Variants in TBL1X observed in about 807,000 individuals in gnomAD.
TBL1X encodes transducin beta like 1 X-linked.
TBL1X carries 10 observed loss-of-function variants against 50.7 expected under a neutral mutation model. The observed-to-expected ratio is 0.20, with a 90% CI of 0.12 to 0.33. The LOEUF (loss-of-function observed/expected upper bound fraction) is 0.33. Ranked by LOEUF, TBL1X falls within the 10% of genes least tolerant of loss-of-function variation. The pLI, the probability that TBL1X is intolerant of heterozygous loss-of-function variation, is 1.00. For synonymous variants in TBL1X, 190 were observed against 214.7 expected, an observed-to-expected ratio of 0.88 and a Z score of 1.01; for missense variants, 340 against 504.4, an observed-to-expected ratio of 0.67 and a Z score of 3.12.
At chrX:9,618,680 AAATAAT>A (rs1311293421) in intron 2 of TBL1X, among the ~76,000 whole-genome samples, 6 of 112,250 alleles carry the variant, frequency 5.3e-5, no homozygotes, top group African/African-American at 1.9e-4. Context: ...CTGTCTCAAA[AAATAAT>A]AATAAATAAA....
intron 13 of TBL1X, among the ~76,000 whole-genome samples, chrX:9,706,075 G>A (rs1448760240): frequency 9.0e-6 from 1 of 111,130 alleles, no homozygotes; most frequent in Non-Finnish European, 1.9e-5. Flanking sequence ...AAGACAGCAA[G>A]CCACGAGGGA....
At chrX:9,628,048 CAATT>C (rs2082701658) in intron 2 of TBL1X, among the ~76,000 whole-genome samples, 2 of 112,700 alleles carry the variant, frequency 1.8e-5, no homozygotes, top group Admixed American at 9.4e-5. Context: ...TCTCATGACT[CAATT>C]AAAAGATGCT....
chrX:9,515,003 A>G (rs1387857903), intron 2 of TBL1X, among the ~76,000 whole-genome samples: 1 of 111,407 alleles, frequency 9.0e-6, no homozygotes, highest in Non-Finnish European at 1.9e-5. Flanking sequence ...AGATGTTATC[A>G]GGAGTTAAAA....
intron 2 of TBL1X, among the ~76,000 whole-genome samples, chrX:9,565,341 A>G (rs2082345903): frequency 1.8e-5 from 2 of 109,109 alleles, no homozygotes; most frequent in South Asian, 8.0e-4. Context: ...TTCCATTGTC[A>G]AAGTAATATA....
At chrX:9,701,175 G>A (rs902265901) in intron 12 of TBL1X, among the ~76,000 whole-genome samples, 2 of 111,523 alleles carry the variant, frequency 1.8e-5, no homozygotes, top group African/African-American at 6.5e-5. Context: ...ACGGCTACGC[G>A]AAATGTAACC....
intron 2 of TBL1X, among the ~76,000 whole-genome samples, chrX:9,590,326 C>T (rs1401818249): frequency 9.2e-6 from 1 of 109,106 alleles, no homozygotes; most frequent in African/African-American, 3.3e-5. Context: ...ATTTCTGCAG[C>T]TTATTGTAAG....
At chrX:9,506,448 T>A (rs1823665557) in intron 2 of TBL1X, among the ~76,000 whole-genome samples, 1 of 110,922 alleles carries the variant, frequency 9.0e-6, no homozygotes, top group Admixed American at 9.6e-5. Context: ...ATAACTAATA[T>A]CAGAGAAGAA....
chrX:9,541,045 G>C (rs947240676), intron 2 of TBL1X, among the ~76,000 whole-genome samples: 11 of 111,779 alleles, frequency 9.8e-5, no homozygotes, highest in Non-Finnish European at 1.9e-4. Context: ...TCACTCGCCA[G>C]GGAAAAGAAG....
chrX:9,548,881 T>C (rs1388296413), intron 2 of TBL1X, among the ~76,000 whole-genome samples: 1 of 113,185 alleles, frequency 8.8e-6, no homozygotes, highest in Non-Finnish European at 1.9e-5. Context: ...ATTTATGTTG[T>C]GTGCAACACA....
chrX:9,718,810 A>G lies in TBL1X; in HGVS notation c.*2564A>G, dbSNP rs1184233642. On this transcript the variant is annotated 3_prime_UTR_variant, in exon 18 of 18. Transcript: ENST00000645353. ...ACCATGTCGGAATTGTTAGGTAGAA[A>G]CCTGGGCTGGGAGGCCTCGGACCCC... The G allele has an allele frequency of 3.6e-5, 4 of 111,845 alleles. No individual in the cohort carries two copies. Among genetic ancestry groups the G allele is most frequent in the Non-Finnish European group, 7.5e-5 (4 of 53,072 alleles). The allele number at this position is 111,845 out of a possible 1,213,427, so 9.2% of individuals were successfully genotyped here.
intron 2 of TBL1X, among the ~76,000 whole-genome samples, chrX:9,599,958 C>T (rs901857618): frequency 7.2e-5 from 8 of 111,651 alleles, no homozygotes; most frequent in Non-Finnish European, 1.3e-4. Flanking sequence ...CCCAAAGCCT[C>T]GGAGAGGGCA....
At chrX:9,542,921 C>T (rs1264239370) in intron 2 of TBL1X, among the ~76,000 whole-genome samples, 1 of 112,141 alleles carries the variant, frequency 8.9e-6, no homozygotes, top group Admixed American at 9.4e-5. Flanking sequence ...ATTGGCCTCG[C>T]AGTGGGGAGT....
In TBL1X at chrX:9,575,077, G is replaced by A. The variant is rs1284060659; in HGVS notation, c.-130-65196G>A. 3.6e-5 allele frequency among the ~76,000 whole-genome samples: 4 copies of A among 111,527 alleles called. No individual in the cohort carries two copies. The South Asian group carries it at 1.1e-3, about 32-fold the overall frequency. On this transcript the variant is annotated intron_variant, in intron 2 of 17. Coordinates refer to ENST00000645353, the MANE Select transcript of TBL1X (RefSeq NM_005647.4). ...ATTGACTCCCAGTTCTGCATGGCTGGGGAGGCCTCAGGAAACTTGCAGTCA... is the reference window on the plus strand; with the variant it reads ...ATTGACTCCCAGTTCTGCATGGCTGAGGAGGCCTCAGGAAACTTGCAGTCA...
In TBL1X at chrX:9,679,202, T is replaced by C. The variant is rs544441862; in HGVS notation, c.212-4841T>C. ...AGAGTAGAGCTGGGGGTAGTGGCCT[T>C]TCAGGGTGTCAATTCCCCAACCATG... On this transcript the variant is annotated intron_variant, in intron 5 of 17. Transcript: ENST00000645353. Among the ~76,000 whole-genome samples, 10 of 108,396 alleles carry C rather than the reference T, an allele frequency of 9.2e-5. No homozygotes were observed. The South Asian group carries it at 3.3e-3, about 36-fold the overall frequency. The allele number at this position is 108,396 out of a possible 115,157, so 94.1% of individuals were successfully genotyped here. A position where few individuals can be genotyped will look rare whatever the true frequency, so the allele number is the denominator to read the frequency against.
intron 2 of TBL1X, among the ~76,000 whole-genome samples, chrX:9,522,654 T>A (rs2082112493): frequency 8.9e-6 from 1 of 111,961 alleles, no homozygotes; most frequent in Non-Finnish European, 1.9e-5. Flanking sequence ...ACTGTGTGAT[T>A]TTTCTTCTTG....
At chrX:9,498,628 C>T (rs1316697047) in intron 1 of TBL1X, among the ~76,000 whole-genome samples, 1 of 112,538 alleles carries the variant, frequency 8.9e-6, no homozygotes, top group Non-Finnish European at 1.9e-5. Context: ...CCAGCTCTTG[C>T]CTTCTTCGCG....
At chrX:9,680,335 A>G (rs12852630) in intron 5 of TBL1X, among the ~76,000 whole-genome samples, 1 of 112,373 alleles carries the variant, frequency 8.9e-6, no homozygotes. Flanking sequence ...TATTGTTCCA[A>G]CAAGGAAAGC....
rs190150803 is a variant in TBL1X at position 9,600,118 on chromosome X, A to G, written c.-130-40155A>G. Among the ~76,000 whole-genome samples the G allele has an allele frequency of 1.1e-4, 12 of 111,876 alleles. No homozygotes were observed. In the East Asian group the frequency reaches 1.1e-3, roughly 11 times the overall value. ...TTCCATTTGCTTTTAGCTGCCTGCA[A>G]TGAAAACCTGGCAAGACGTCTTAGT... On this transcript the variant is annotated intron_variant, in intron 2 of 17. Transcript: ENST00000645353.
At chrX:9,516,402 C>T (rs1269658781) in intron 2 of TBL1X, among the ~76,000 whole-genome samples, 1 of 111,848 alleles carries the variant, frequency 8.9e-6, no homozygotes, top group African/African-American at 3.3e-5. Context: ...GGGGAGTACA[C>T]ATACTGGAGG....
Sources: allele counts gnomAD v4.1 joint callset (sites outside exome capture counted in the v4.1 genomes callset), GRCh38; gene constraint gnomAD v4.1.1; transcripts MANE v1.5; gene names NCBI Gene and HGNC (gene_info 2026-07-23, HGNC 2026-07-21).